Variants in LRRC28 observed in about 807,000 individuals in gnomAD.
The protein encoded by LRRC28 is leucine rich repeat containing 28, also known as leucine-rich repeat-containing protein 28.
Under a neutral mutation model 45.7 loss-of-function variants are expected in LRRC28, and 39 were observed. The ratio of observed to expected loss-of-function variants is 0.85; its 90% CI spans 0.66 to 1.12. The LOEUF is 1.12. Among genes scored for constraint, LRRC28 ranks in the 50% most tolerant of loss-of-function variants. The probability of loss-of-function intolerance (pLI) is 0.00; values close to 1 mark genes in which losing one functional copy is unlikely to be tolerated. For synonymous variants in LRRC28, 206 were observed against 178.8 expected, an observed-to-expected ratio of 1.15 and a Z score of -1.22; for missense variants, 435 against 438.5, an observed-to-expected ratio of 0.99 and a Z score of 0.07.
chr15:99,372,830 G>C (rs1341838345), intron 9 of LRRC28, among the ~76,000 whole-genome samples: 3 of 152,120 alleles, frequency 2.0e-5, no homozygotes, highest in Non-Finnish European at 4.4e-5. Flanking sequence ...AGGTTTAATT[G>C]ACTCACAGTT....
rs1555584065 is a variant in LRRC28, at chr15:99,385,742, A to ATTT, written c.1032-287_1032-285dup. On this transcript the variant is annotated intron_variant, in intron 9 of 9. Transcript: ENST00000301981. ...GTTCGAAACGTAATGTGGAAAAGGC[A>ATTT]TTTGTTTTTTTTTTTTTTCTTAGTT... Among the ~76,000 whole-genome samples, 2 of 142,036 alleles carry ATTT rather than the reference A, an allele frequency of 1.4e-5. 1 individual carries two copies. The highest frequency in any genetic ancestry group is 3.0e-5 in the Non-Finnish European group (2 of 65,710). The allele number at this position is 142,036 out of a possible 152,430, so 93.2% of individuals were successfully genotyped here. A position where few individuals can be genotyped will look rare whatever the true frequency, so the allele number is the denominator to read the frequency against.
intron 5 of LRRC28, among the ~76,000 whole-genome samples, chr15:99,309,694 A>G (rs1261960221): frequency 1.3e-5 from 2 of 152,220 alleles, no homozygotes; most frequent in East Asian, 3.8e-4. Flanking sequence ...GGTGTGAACC[A>G]CCACGCCCAC....
intron 3 of LRRC28, among the ~76,000 whole-genome samples, chr15:99,278,730 T>C (rs149284827): frequency 3.9e-4 from 59 of 152,358 alleles, no homozygotes; most frequent in African/African-American, 1.4e-3. Flanking sequence ...ACATTCAGTG[T>C]CTTGTATTTT....
At chr15:99,286,243 G>A (rs1362775065) in intron 3 of LRRC28, among the ~76,000 whole-genome samples, 1 of 152,152 alleles carries the variant, frequency 6.6e-6, no homozygotes, top group African/African-American at 2.4e-5. Flanking sequence ...CAGTTCTCCT[G>A]CCTCAGTCTC....
intron 2 of LRRC28, among the ~76,000 whole-genome samples, chr15:99,267,084 A>G (rs957573688): frequency 1.3e-5 from 2 of 152,236 alleles, no homozygotes; most frequent in African/African-American, 4.8e-5. Flanking sequence ...GTCAGTTAAA[A>G]TAAGATGGTT....
chr15:99,289,985 C>T (rs1418306413), intron 5 of LRRC28, among the ~76,000 whole-genome samples: 1 of 144,778 alleles, frequency 6.9e-6, no homozygotes, highest in Non-Finnish European at 1.5e-5. Flanking sequence ...AGGCTGGGCG[C>T]AGTGGATCAC....
chr15:99,276,101 G>T lies in LRRC28; in HGVS notation c.169-475G>T, dbSNP rs564538905. On this transcript the variant is annotated intron_variant, in intron 2 of 9. Coordinates refer to ENST00000301981, the MANE Select transcript of LRRC28 (RefSeq NM_144598.5). The stretch of plus-strand genomic sequence containing the variant: ...CACTTGTTATGAGAATCTAGTGCCT[G>T]ACGATCTGTCACAGTCTCCCGTCAC... Among the ~76,000 whole-genome samples, 6 of 151,934 alleles carry T rather than the reference G, an allele frequency of 3.9e-5. No individual in the cohort carries two copies. The East Asian group carries it at 9.6e-4, about 24-fold the overall frequency.
Position 99,277,097 on chromosome 15 carries a change from G to A in LRRC28, c.209+481G>A, listed in dbSNP as rs140873078. ...ATGTTTACACCTTTGTTTTTTTAAT[G>A]CACCAGTGTTAATTATCTGTTAACT... is the stretch of plus-strand genomic sequence containing the variant. On this transcript the variant is annotated intron_variant, in intron 3 of 9. Coordinates refer to ENST00000301981, the MANE Select transcript of LRRC28 (RefSeq NM_144598.5). 2.6e-5 allele frequency among the ~76,000 whole-genome samples: 4 copies of A among 151,804 alleles called. No homozygotes were observed. The East Asian group carries it at 7.7e-4, about 29-fold the overall frequency.
intron 2 of LRRC28, among the ~76,000 whole-genome samples, chr15:99,272,704 T>TA (rs1241017555): frequency 6.6e-6 from 1 of 152,228 alleles, no homozygotes; most frequent in Non-Finnish European, 1.5e-5. Flanking sequence ...GATAATAATG[T>TA]AAATGAGATT....
At chr15:99,274,740 A>G (rs1454777850) in intron 2 of LRRC28, among the ~76,000 whole-genome samples, 3 of 152,228 alleles carry the variant, frequency 2.0e-5, no homozygotes, top group African/African-American at 7.2e-5. Context: ...TTGAAAATGT[A>G]AGATTTCTTC....
chr15:99,324,054 A>G (rs1191418058), intron 5 of LRRC28, among the ~76,000 whole-genome samples: 1 of 152,220 alleles, frequency 6.6e-6, no homozygotes, highest in East Asian at 1.9e-4. Context: ...TTTGTACAGT[A>G]GTCCCCTATT....
At chr15:99,295,077 T>C (rs1333093842) in intron 5 of LRRC28, among the ~76,000 whole-genome samples, 2 of 152,218 alleles carry the variant, frequency 1.3e-5, no homozygotes, top group Non-Finnish European at 2.9e-5. Flanking sequence ...TTGCTTCATA[T>C]GTTTTTGAGT....
chr15:99,307,704 C>T (rs1158948510), intron 5 of LRRC28, among the ~76,000 whole-genome samples: 3 of 152,182 alleles, frequency 2.0e-5, no homozygotes, highest in Admixed American at 6.5e-5. Context: ...GCTCATTGTT[C>T]CTCTGCCATT....
At chr15:99,380,672 C>A (rs1336805131) in intron 9 of LRRC28, among the ~76,000 whole-genome samples, 1 of 152,128 alleles carries the variant, frequency 6.6e-6, no homozygotes, top group East Asian at 1.9e-4. Flanking sequence ...TGGCTGGTAC[C>A]AGTTGTTCCT....
chr15:99,252,200 G>A (rs1373552905), intron 1 of LRRC28, among the ~76,000 whole-genome samples: 3 of 152,216 alleles, frequency 2.0e-5, no homozygotes, highest in Non-Finnish European at 4.4e-5. Flanking sequence ...ACAAGAGGTA[G>A]TTTGCTTAAC....
intron 6 of LRRC28, among the ~76,000 whole-genome samples, chr15:99,335,823 C>T (rs894552102): frequency 1.3e-5 from 2 of 151,918 alleles, no homozygotes; most frequent in African/African-American, 4.8e-5. Context: ...TCAGTGCTGG[C>T]AATACATGAG....
intron 5 of LRRC28, among the ~76,000 whole-genome samples, chr15:99,326,248 T>G (rs952041072): frequency 6.6e-6 from 1 of 152,218 alleles, no homozygotes; most frequent in African/African-American, 2.4e-5. Context: ...TAAAAGGTTT[T>G]AAAAGGTATA....
At chr15:99,332,228 A>G (rs938239826) in intron 5 of LRRC28, among the ~76,000 whole-genome samples, 41 of 152,162 alleles carry the variant, frequency 2.7e-4, no homozygotes, top group African/African-American at 9.2e-4. Flanking sequence ...GTGGAGTACT[A>G]TGCCAGTGGA....
intron 7 of LRRC28, among the ~76,000 whole-genome samples, chr15:99,358,859 C>T (rs1957120684): frequency 6.6e-6 from 1 of 152,164 alleles, no homozygotes; most frequent in South Asian, 2.1e-4. Context: ...GGGCCAATCA[C>T]TTGAGGTCAG....
Sources: gnomAD v4.1 joint callset for allele counts (sites outside exome capture counted in the v4.1 genomes callset) on GRCh38, gnomAD v4.1.1 for gene constraint, MANE v1.5 for transcripts, NCBI Gene and HGNC (gene_info 2026-07-23, HGNC 2026-07-21) for gene names.